The following PTPRT variants were observed in gnomAD, a reference collection of about 807,000 sequenced individuals.
The protein encoded by PTPRT is protein tyrosine phosphatase receptor type T.
Under a neutral mutation model 176.8 loss-of-function variants are expected in PTPRT, and 56 were observed. That is an observed-to-expected ratio of 0.32 (90% CI 0.26 to 0.40). PTPRT has a LOEUF of 0.40. Ranked by LOEUF, PTPRT falls within the 10% of genes least tolerant of loss-of-function variation. PTPRT has a pLI of 1.00. For missense variants in PTPRT, 1,540 were observed against 1,908.2 expected, an observed-to-expected ratio of 0.81 and a Z score of 3.60; for synonymous variants, 783 against 739.0, an observed-to-expected ratio of 1.06 and a Z score of -0.96.
chr20:42,704,431 C>CAA (rs3091987), intron 6 of PTPRT, among the ~76,000 whole-genome samples: 10 of 133,768 alleles, frequency 7.5e-5, no homozygotes, highest in African/African-American at 1.4e-4. Flanking sequence ...CGTTGATATC[C>CAA]AAAAAAAAAA....
At chr20:43,093,867 C>T (rs2425585) in intron 1 of PTPRT, among the ~76,000 whole-genome samples, 48,072 of 151,890 alleles carry the variant, frequency 0.32, 7,915 homozygotes, top group Admixed American at 0.39. Context: ...CCTGTGCTGA[C>T]CATTTCCCCT....
At chr20:43,051,580 C>T (rs1987041630) in intron 1 of PTPRT, among the ~76,000 whole-genome samples, 1 of 137,130 alleles carries the variant, frequency 7.3e-6, no homozygotes, top group African/African-American at 2.9e-5. Flanking sequence ...GAAGCTGCCC[C>T]AGATTTTGGT....
intron 16 of PTPRT, among the ~76,000 whole-genome samples, chr20:42,182,378 A>G (rs2146594163): frequency 6.6e-6 from 1 of 152,350 alleles, no homozygotes; most frequent in African/African-American, 2.4e-5. Context: ...ATGGATCAAT[A>G]TGAAAGGAGA....
chr20:43,122,353 C>T (rs376751771), intron 1 of PTPRT, among the ~76,000 whole-genome samples: 24 of 152,298 alleles, frequency 1.6e-4, no homozygotes, highest in African/African-American at 5.3e-4. Context: ...AGAGCCATGC[C>T]GCTGTGACAG....
chr20:43,125,709 G>A (rs73106015), intron 1 of PTPRT, among the ~76,000 whole-genome samples: 4,458 of 152,308 alleles, frequency 0.029, 91 homozygotes, highest in South Asian at 0.082. Flanking sequence ...ATAAGAGAAT[G>A]CATTCTAAAT....
the PTPRT span, among the ~76,000 whole-genome samples, chr20:42,032,467 C>G: frequency 2.0e-5 from 3 of 152,110 alleles, no homozygotes; most frequent in African/African-American, 7.2e-5. Context: ...GATCCAGGCT[C>G]CTGGAGAGCT....
intron 5 of PTPRT, among the ~76,000 whole-genome samples, chr20:42,759,216 CTAATA>C (rs1403357452): frequency 3.9e-5 from 6 of 152,288 alleles, no homozygotes; most frequent in African/African-American, 1.4e-4. Flanking sequence ...TCAATATTTT[CTAATA>C]TGAGTTATTT....
chr20:42,121,393 TC>T (rs1264706930), intron 19 of PTPRT, among the ~76,000 whole-genome samples: 2 of 152,218 alleles, frequency 1.3e-5, no homozygotes, highest in Admixed American at 1.3e-4. Flanking sequence ...GGACAAACAC[TC>T]CCTACTAAGC....
chr20:42,203,076 T>C (rs1338317428), intron 15 of PTPRT, among the ~76,000 whole-genome samples: 1 of 152,234 alleles, frequency 6.6e-6, no homozygotes, highest in Non-Finnish European at 1.5e-5. Flanking sequence ...CTCTGTATTT[T>C]CATGGTGATA....
chr20:42,705,530 G>C lies in PTPRT; in HGVS notation c.860-27371C>G, dbSNP rs534740958. On this transcript the variant is annotated intron_variant, in intron 6 of 30. Coordinates refer to ENST00000373187, the MANE Select transcript of PTPRT (RefSeq NM_007050.6). The stretch of plus-strand genomic sequence containing the variant: ...CAAAGTACATTATCACAAGGACAGG[G>C]AATGTCACGATGGCTTGACCATGGT... Among the ~76,000 whole-genome samples, 9 of 152,210 alleles carry C rather than the reference G, an allele frequency of 5.9e-5. 1 individual carries two copies. In the South Asian group the frequency reaches 1.2e-3, roughly 21 times the overall value.
At chr20:43,136,062 G>A (rs1212370490) in intron 1 of PTPRT, among the ~76,000 whole-genome samples, 2 of 152,214 alleles carry the variant, frequency 1.3e-5, no homozygotes, top group African/African-American at 2.4e-5. Context: ...GGCAACTGGA[G>A]TTTTGCTCTT....
rs75218804 is a variant in PTPRT at position 42,809,991 on chromosome 20, T to C, written c.215-18525A>G. ...ACCCTCATGCTTAGACTTAAATTTGTACTAATAAAATAGAGTAGGGGCCGG... is the reference window on the plus strand; with the variant it reads ...ACCCTCATGCTTAGACTTAAATTTGCACTAATAAAATAGAGTAGGGGCCGG... On this transcript the variant is annotated intron_variant, in intron 2 of 30. Transcript: ENST00000373187. Among the ~76,000 whole-genome samples, 652 of 152,246 alleles carry C rather than the reference T, an allele frequency of 4.3e-3. 7 individuals are homozygous for C. Among genetic ancestry groups the C allele is most frequent in the African/African-American group, 0.015 (609 of 41,556 alleles).
chr20:42,661,147 C>T (rs1600566560), intron 7 of PTPRT, among the ~76,000 whole-genome samples: 1 of 152,120 alleles, frequency 6.6e-6, no homozygotes, highest in Non-Finnish European at 1.5e-5. Context: ...CCGCACCCAG[C>T]CGTAAACAGT....
intron 7 of PTPRT, among the ~76,000 whole-genome samples, chr20:42,549,244 T>C (rs1483424379): frequency 6.6e-6 from 1 of 151,644 alleles, no homozygotes; most frequent in East Asian, 1.9e-4. Flanking sequence ...AGCTTAGAAG[T>C]AATGTGTGAA....
chr20:42,884,906 G>A (rs548033794), intron 2 of PTPRT, among the ~76,000 whole-genome samples: 9 of 152,180 alleles, frequency 5.9e-5, no homozygotes, highest in African/African-American at 1.9e-4. Context: ...CACCAGGTAA[G>A]CCTCTTCAAG....
chr20:42,954,040 A>G (rs1212806546), intron 1 of PTPRT, among the ~76,000 whole-genome samples: 4 of 152,002 alleles, frequency 2.6e-5, no homozygotes, highest in African/African-American at 7.3e-5. Context: ...TCACAGGGGG[A>G]GGAGGGACTC....
intron 7 of PTPRT, among the ~76,000 whole-genome samples, chr20:42,523,720 A>G (rs1371518793): frequency 1.3e-5 from 2 of 152,188 alleles, no homozygotes; most frequent in Non-Finnish European, 2.9e-5. Flanking sequence ...AACTTATTCT[A>G]TATTTTTACT....
intron 13 of PTPRT, among the ~76,000 whole-genome samples, chr20:42,250,127 A>G (rs2056525920): frequency 6.6e-6 from 1 of 152,142 alleles, no homozygotes; most frequent in Non-Finnish European, 1.5e-5. Context: ...GCCTCACAAT[A>G]TCTTTTACTA....
At chr20:42,308,766 C>G (rs1005357023) in intron 12 of PTPRT, among the ~76,000 whole-genome samples, 3 of 152,202 alleles carry the variant, frequency 2.0e-5, no homozygotes, top group Non-Finnish European at 2.9e-5. Flanking sequence ...TCTTTCCACT[C>G]TATCATGCCA....
Sources: gnomAD v4.1 joint callset for allele counts (sites outside exome capture counted in the v4.1 genomes callset) on GRCh38, gnomAD v4.1.1 for gene constraint, MANE v1.5 for transcripts, NCBI Gene and HGNC (gene_info 2026-07-23, HGNC 2026-07-21) for gene names.